HECW1: variants seen among roughly 807,000 people sequenced by gnomAD.
The protein encoded by HECW1 is HECT, C2 and WW domain containing E3 ubiquitin protein ligase 1, also known as E3 ubiquitin-protein ligase HECW1.
Under a neutral mutation model 182.3 loss-of-function variants are expected in HECW1, and 61 were observed. That is an observed-to-expected ratio of 0.33 (90% CI 0.27 to 0.41). HECW1 has a LOEUF of 0.41. HECW1 is among the 10% of genes least tolerant of loss of function. HECW1 has a pLI of 1.00. For synonymous variants in HECW1, 859 were observed against 832.6 expected (o/e 1.03, Z -0.55); for missense variants, 1,739 against 2,108.9 (o/e 0.82, Z 3.44).
intron 24 of HECW1, among the ~76,000 whole-genome samples, chr7:43,517,159 T>G (rs1560857): frequency 0.27 from 40,873 of 152,080 alleles, 5,547 homozygotes; most frequent in South Asian, 0.36. Context: ...GATTTCAGAT[T>G]TGATGCTGTT....
At chr7:43,256,239 C>T (rs1800553977) in intron 3 of HECW1, among the ~76,000 whole-genome samples, 1 of 152,148 alleles carries the variant, frequency 6.6e-6, no homozygotes, top group Admixed American at 6.5e-5. Flanking sequence ...GGTTTTGAAA[C>T]TGTGTTTGTC....
At position 43,455,846 on chromosome 7, in the gene HECW1, C is replaced by A. The variant is rs572108326; in HGVS notation, c.2501-451C>A. ...GAAACCCTGTCTCTACTAAAAAATA[C>A]CAAAATTAGCCGGACCTGGTGGCAG... is the stretch of plus-strand genomic sequence containing the variant. On this transcript the variant is annotated intron_variant, in intron 12 of 29. Coordinates refer to ENST00000395891, the MANE Select transcript of HECW1 (RefSeq NM_015052.5). Among the ~76,000 whole-genome samples, 12 of 151,910 alleles carry A rather than the reference C, an allele frequency of 7.9e-5. No individual in the cohort carries two copies. The South Asian group carries it at 1.7e-3, about 21-fold the overall frequency.
chr7:43,434,034 C>CT (rs915906822), intron 8 of HECW1, among the ~76,000 whole-genome samples: 27 of 150,998 alleles, frequency 1.8e-4, no homozygotes, highest in Non-Finnish European at 3.5e-4. Context: ...ACAATACATC[C>CT]TTTTTTTTAA....
chr7:43,299,488 C>T (rs1345284258), intron 3 of HECW1, among the ~76,000 whole-genome samples: 4 of 151,930 alleles, frequency 2.6e-5, no homozygotes, highest in South Asian at 2.1e-4. Context: ...AGCTTTTGTC[C>T]GTGAGTTCAA....
chr7:43,438,156 G>A lies in HECW1; in HGVS notation c.944+11G>A, dbSNP rs1043902248. ...GAGACACGCCATAGGGTAAACCTGT[G>A]ACTGAGATCTTACTATCACTAGGTT... On this transcript the variant is annotated intron_variant, in intron 9 of 29. Transcript: ENST00000395891. 1.9e-6 allele frequency: 3 copies of A among 1,608,984 alleles called. No homozygotes were observed. Among genetic ancestry groups the A allele is most frequent in the African/African-American group, 2.7e-5 (2 of 74,914 alleles).
At chr7:43,201,593 G>T (rs1048974608) in intron 2 of HECW1, among the ~76,000 whole-genome samples, 1 of 152,142 alleles carries the variant, frequency 6.6e-6, no homozygotes, top group Non-Finnish European at 1.5e-5. Flanking sequence ...GTGACTTAAG[G>T]TACCCAAGTG....
intron 5 of HECW1, among the ~76,000 whole-genome samples, chr7:43,335,439 C>A (rs1206197951): frequency 6.6e-6 from 1 of 152,182 alleles, no homozygotes; most frequent in Non-Finnish European, 1.5e-5. Flanking sequence ...GAGGAAGAGA[C>A]ACATGATTTC....
At chr7:43,183,508 G>GA in intron 2 of HECW1, among the ~76,000 whole-genome samples, 1 of 151,932 alleles carries the variant, frequency 6.6e-6, no homozygotes, top group East Asian at 1.9e-4. Context: ...GACAATTTTT[G>GA]AAAAAAGAAG....
intron 6 of HECW1, among the ~76,000 whole-genome samples, chr7:43,385,476 T>TCCCCCCCCCCCCC (rs2074756979): frequency 1.3e-5 from 2 of 150,658 alleles, no homozygotes; most frequent in African/African-American, 4.9e-5. Flanking sequence ...GATGCCCAAG[T>TCCCCCCCCCCCCC]CCCACCCACC....
chr7:43,342,129 G>C (rs1813078848), intron 5 of HECW1, among the ~76,000 whole-genome samples: 1 of 151,732 alleles, frequency 6.6e-6, no homozygotes. Flanking sequence ...CGCCTGAAAA[G>C]CTTTAACATT....
At chr7:43,314,747 C>T (rs1389649565) in intron 4 of HECW1, among the ~76,000 whole-genome samples, 2 of 152,230 alleles carry the variant, frequency 1.3e-5, no homozygotes, top group African/African-American at 4.8e-5. Context: ...TCAAAAATAA[C>T]TTCCAAATCC....
intron 2 of HECW1, among the ~76,000 whole-genome samples, chr7:43,219,574 G>C (rs1233355108): frequency 6.6e-6 from 1 of 152,100 alleles, no homozygotes; most frequent in African/African-American, 2.4e-5. Flanking sequence ...GTGTGTGAGA[G>C]GGTCATGATC....
chr7:43,345,459 TG>T (rs1373389368), intron 5 of HECW1, among the ~76,000 whole-genome samples: 1 of 152,136 alleles, frequency 6.6e-6, no homozygotes, highest in Non-Finnish European at 1.5e-5. Flanking sequence ...CATAAGTTAT[TG>T]GGGTACAAGT....
At chr7:43,276,865 A>G (rs897006769) in intron 3 of HECW1, among the ~76,000 whole-genome samples, 4 of 152,246 alleles carry the variant, frequency 2.6e-5, no homozygotes, top group African/African-American at 4.8e-5. Flanking sequence ...CACCTGAACC[A>G]TACAGAATGC....
chr7:43,416,384 G>C (rs2075997484), intron 8 of HECW1, among the ~76,000 whole-genome samples: 1 of 151,248 alleles, frequency 6.6e-6, no homozygotes, highest in Middle Eastern at 3.4e-3. Flanking sequence ...CAGTCTGCCG[G>C]TTCTCAGATC....
At chr7:43,221,538 T>TG (rs1486008212) in intron 2 of HECW1, among the ~76,000 whole-genome samples, 1 of 14,452 alleles carries the variant, frequency 6.9e-5, no homozygotes. Context: ...AGGAATTAGG[T>TG]TTTTTTTTTT....
chr7:43,480,210 C>G (rs1032314991), intron 17 of HECW1, among the ~76,000 whole-genome samples: 20 of 152,200 alleles, frequency 1.3e-4, no homozygotes, highest in African/African-American at 4.6e-4. Flanking sequence ...AAGTGGTGCT[C>G]TATTCCCACT....
At chr7:43,204,551 T>G (rs1386062177) in intron 2 of HECW1, among the ~76,000 whole-genome samples, 1 of 152,172 alleles carries the variant, frequency 6.6e-6, no homozygotes, top group Non-Finnish European at 1.5e-5. Flanking sequence ...GGCCATGCCC[T>G]CATGGAACTT....
Position 43,450,895 on chromosome 7 carries a change from T to C in HECW1, c.2466T>C (p.His822=). ...TTCCTTCCCTGAGGCCTGAACATCA[T>C]CACTACCCAACAATCGATGAGCCTC... ...SQLPSLRPEH[H]HYPTIDEPLP... Residue 822 remains histidine, a synonymous_variant, in exon 12 of 30, where the codon CAT becomes CAC. Transcript: ENST00000395891. 1 of 1,613,330 alleles carries C rather than the reference T, an allele frequency of 6.2e-7. No homozygotes were observed. The highest frequency in any genetic ancestry group is 1.1e-5 in the South Asian group (1 of 91,060).
Sources: allele counts gnomAD v4.1 joint callset (sites outside exome capture counted in the v4.1 genomes callset), GRCh38; gene constraint gnomAD v4.1.1; transcripts MANE v1.5; gene names NCBI Gene and HGNC (gene_info 2026-07-23, HGNC 2026-07-21).